The following PARD3B variants were observed in gnomAD, a reference collection of about 807,000 sequenced individuals.
The protein encoded by PARD3B is partitioning defective 3 homolog B.
In PARD3B, 103 loss-of-function variants were observed where a neutral mutation model predicts 130.2. The ratio of observed to expected loss-of-function variants is 0.79; its 90% CI spans 0.67 to 0.93. The LOEUF (loss-of-function observed/expected upper bound fraction) is 0.93, where lower values mean the gene tolerates loss of function less well. PARD3B is among the 40% of genes least tolerant of loss of function. The pLI is 0.00. For missense variants in PARD3B, 1,609 were observed against 1,499.2 expected (o/e 1.07, Z -1.21); for synonymous variants, 583 against 553.2 (o/e 1.05, Z -0.76).
chr2:205,120,346 A>G (rs1478978284), intron 7 of PARD3B, among the ~76,000 whole-genome samples: 1 of 152,178 alleles, frequency 6.6e-6, no homozygotes, highest in African/African-American at 2.4e-5. Flanking sequence ...CAAAAATAAC[A>G]TAGGGGAACT....
intron 6 of PARD3B, among the ~76,000 whole-genome samples, chr2:205,118,173 G>C (rs7565979): frequency 0.21 from 32,437 of 152,116 alleles, 3,864 homozygotes; most frequent in East Asian, 0.39. Context: ...AGGTCCATCA[G>C]ATTAAGTTCA....
At chr2:204,984,282 A>G (rs927703107) in intron 3 of PARD3B, among the ~76,000 whole-genome samples, 1 of 152,174 alleles carries the variant, frequency 6.6e-6, no homozygotes, top group African/African-American at 2.4e-5. Flanking sequence ...AGATTTTTCA[A>G]TCTTCTCAAT....
intron 20 of PARD3B, among the ~76,000 whole-genome samples, chr2:205,489,491 A>ATG (rs767992238): frequency 0.38 from 52,821 of 139,900 alleles, 11,009 homozygotes; most frequent in Admixed American, 0.46. Context: ...ATACATATAT[A>ATG]TGTGTGTATA....
intron 15 of PARD3B, among the ~76,000 whole-genome samples, chr2:205,212,555 G>T (rs1379289824): frequency 6.6e-6 from 1 of 152,046 alleles, no homozygotes; most frequent in Non-Finnish European, 1.5e-5. Flanking sequence ...CTGTGAAGTG[G>T]GGTGTAACCT....
intron 1 of PARD3B, among the ~76,000 whole-genome samples, chr2:204,682,249 A>C (rs1326350371): frequency 1.3e-5 from 2 of 152,168 alleles, no homozygotes; most frequent in African/African-American, 4.8e-5. Context: ...CTTTGTATTA[A>C]GTTATTTAAT....
Position 205,520,074 on chromosome 2 carries a change from A to C in PARD3B, c.3180+20043A>C, listed in dbSNP as rs73060113. ...TGGACTGCCCACTGCTGCTCTGGAG[A>C]GATCTCAGTGTTTTTGTTCCTCCCC... On this transcript the variant is annotated intron_variant, in intron 21 of 22. Coordinates refer to ENST00000406610, the MANE Select transcript of PARD3B (RefSeq NM_001302769.2). 5.7e-3 allele frequency among the ~76,000 whole-genome samples: 865 copies of C among 152,122 alleles called. 5 individuals are homozygous for C. Among genetic ancestry groups the C allele is most frequent in the African/African-American group, 0.02 (816 of 41,502 alleles).
At chr2:205,565,992 A>G (rs570261362) in intron 22 of PARD3B, among the ~76,000 whole-genome samples, 2 of 152,298 alleles carry the variant, frequency 1.3e-5, no homozygotes, top group Non-Finnish European at 2.9e-5. Flanking sequence ...GGAGGGAGAC[A>G]TGAGTTATGA....
chr2:205,267,876 G>A (rs1317910656), intron 16 of PARD3B, among the ~76,000 whole-genome samples: 1 of 152,082 alleles, frequency 6.6e-6, no homozygotes, highest in Non-Finnish European at 1.5e-5. Context: ...AATTCTTAGG[G>A]CATCATAAAG....
intron 16 of PARD3B, among the ~76,000 whole-genome samples, chr2:205,249,007 T>G (rs946380051): frequency 7.7e-5 from 3 of 38,980 alleles, no homozygotes; most frequent in African/African-American, 3.2e-4. Context: ...AAAATAAGAG[T>G]TTTTTTTTTT....
At chr2:204,790,680 A>T (rs2042169994) in intron 2 of PARD3B, among the ~76,000 whole-genome samples, 1 of 152,210 alleles carries the variant, frequency 6.6e-6, no homozygotes, top group Non-Finnish European at 1.5e-5. Context: ...TATAACAGAG[A>T]ATGAGTTTTT....
intron 10 of PARD3B, among the ~76,000 whole-genome samples, chr2:205,155,390 A>C (rs1433437970): frequency 1.3e-5 from 2 of 152,182 alleles, no homozygotes; most frequent in African/African-American, 4.8e-5. Flanking sequence ...ATAATAAACC[A>C]CAATGGATTT....
chr2:205,380,963 ATC>A (rs1437025992), intron 18 of PARD3B, among the ~76,000 whole-genome samples: 2 of 56,094 alleles, frequency 3.6e-5, no homozygotes, highest in African/African-American at 6.2e-5. Flanking sequence ...TGTATATAAT[ATC>A]TAAAGAATAT....
At chr2:205,057,519 A>G (rs1699756025) in intron 4 of PARD3B, among the ~76,000 whole-genome samples, 1 of 142,960 alleles carries the variant, frequency 7.0e-6, no homozygotes, top group Non-Finnish European at 1.5e-5. Context: ...GTGTATGTGC[A>G]TGTGTATATA....
At chr2:204,763,106 C>G (rs1466414906) in intron 2 of PARD3B, among the ~76,000 whole-genome samples, 5 of 152,186 alleles carry the variant, frequency 3.3e-5, no homozygotes, top group Non-Finnish European at 7.3e-5. Context: ...CTATTGCCCT[C>G]TGCCTCATAT....
At chr2:205,395,140 G>A (rs937898259) in intron 18 of PARD3B, among the ~76,000 whole-genome samples, 3 of 152,010 alleles carry the variant, frequency 2.0e-5, no homozygotes, top group Non-Finnish European at 4.4e-5. Context: ...TCCATCTTCA[G>A]CACTCGACTG....
chr2:205,170,942 G>A (rs539530539), intron 11 of PARD3B, among the ~76,000 whole-genome samples: 5 of 152,244 alleles, frequency 3.3e-5, no homozygotes, highest in Non-Finnish European at 5.9e-5. Context: ...GGGAATTGTC[G>A]TGGAAGAACT....
At chr2:204,820,891 A>T (rs541564806) in intron 2 of PARD3B, among the ~76,000 whole-genome samples, 2 of 152,284 alleles carry the variant, frequency 1.3e-5, no homozygotes, top group East Asian at 3.9e-4. Context: ...CTTAAGAATT[A>T]TACTAAATTT....
At chr2:204,873,402 C>T (rs1279529222) in intron 2 of PARD3B, among the ~76,000 whole-genome samples, 1 of 152,174 alleles carries the variant, frequency 6.6e-6, no homozygotes, top group Non-Finnish European at 1.5e-5. Context: ...GATTTAGACT[C>T]GGTTGTCTGA....
intron 2 of PARD3B, among the ~76,000 whole-genome samples, chr2:204,958,731 T>C (rs1037901132): frequency 2.0e-5 from 3 of 152,176 alleles, no homozygotes; most frequent in Non-Finnish European, 2.9e-5. Context: ...AGGGATATTA[T>C]CAAGGAAGTT....
Sources: gnomAD v4.1 joint callset for allele counts (sites outside exome capture counted in the v4.1 genomes callset) on GRCh38, gnomAD v4.1.1 for gene constraint, MANE v1.5 for transcripts, NCBI Gene and HGNC (gene_info 2026-07-23, HGNC 2026-07-21) for gene names.